ARHGEF6: variants seen among roughly 807,000 people sequenced by gnomAD.
ARHGEF6 encodes the protein rho guanine nucleotide exchange factor 6.
A neutral mutation model predicts 70.3 loss-of-function variants in ARHGEF6; 9 were observed. The observed-to-expected ratio is 0.13, with a 90% CI of 0.08 to 0.22. The LOEUF is 0.22. ARHGEF6 is among the 10% of genes least tolerant of loss of function. The pLI is 1.00. For synonymous variants in ARHGEF6, 201 were observed against 207.8 expected, an observed-to-expected ratio of 0.97 and a Z score of 0.28; for missense variants, 470 against 563.0, an observed-to-expected ratio of 0.83 and a Z score of 1.67.
chrX:136,764,381 C>G (rs1465461542), intron 2 of ARHGEF6, among the ~76,000 whole-genome samples: 1 of 111,704 alleles, frequency 9.0e-6, no homozygotes, highest in Non-Finnish European at 1.9e-5. Flanking sequence ...ATGTAGATGT[C>G]CATCAACAAG....
intron 6 of ARHGEF6, among the ~76,000 whole-genome samples, chrX:136,727,337 C>T (rs1415355991): frequency 2.8e-5 from 1 of 35,795 alleles, no homozygotes; most frequent in African/African-American, 1.1e-4. Context: ...TTCTTTCTTT[C>T]TTTCTTTCTT....
chrX:136,679,805 G>A, intron 15 of ARHGEF6, 145 bp from the exon 16 acceptor site: 1 of 740,220 alleles, frequency 1.4e-6, no homozygotes. Context: ...TCTCTAGTTT[G>A]AGAACTGGTT....
At chrX:136,685,865 T>A in intron 11 of ARHGEF6, 42 bp from the exon 12 acceptor site, 1 of 1,185,596 alleles carries the variant, frequency 8.4e-7, no homozygotes, top group Non-Finnish European at 1.1e-6. Context: ...GGAATTCTTA[T>A]GAAATAGACT....
intron 5 of ARHGEF6, chrX:136,737,312 A>G (rs768719630): frequency 2.7e-5 from 3 of 110,663 alleles, no homozygotes; most frequent in African/African-American, 1.0e-4. Context: ...TACTAAAAAT[A>G]CAAAATTAGC....
At chrX:136,735,824 T>C (rs765722494) in intron 5 of ARHGEF6, among the ~76,000 whole-genome samples, 9 of 111,990 alleles carry the variant, frequency 8.0e-5, no homozygotes, top group African/African-American at 2.9e-4. Context: ...ATCTATGTGA[T>C]ACACCCAGGG....
intron 2 of ARHGEF6, among the ~76,000 whole-genome samples, chrX:136,766,690 G>A (rs2077317551): frequency 1.8e-5 from 2 of 112,618 alleles, no homozygotes; most frequent in African/African-American, 3.2e-5. Context: ...CAGGCACTTT[G>A]GAACACCTTG....
In ARHGEF6 at chrX:136,690,645, C is replaced by G; in HGVS notation, c.1150G>C (p.Val384Leu). The G allele has an allele frequency of 8.3e-7, 1 of 1,210,745 alleles. No homozygotes were observed. The highest frequency in any genetic ancestry group is 1.1e-6 in the Non-Finnish European group (1 of 895,071). The change falls in exon 10 of 22, where the codon GTT becomes CTT. Residue 384 changes from valine (V) to leucine (L), a missense_variant. Transcript: ENST00000250617. The stretch of plus-strand genomic sequence containing the variant: ...CGTTCTAACTCTTGCAAGAGAGTAA[C>G]ATATTTCTCCAGTCGCATGAATGGT... Reference protein sequence around the residue: ...SKPFMRLEKYVTLLQELERHM... With the variant: ...SKPFMRLEKYLTLLQELERHM...
chrX:136,688,658 AAAAC>A (rs766856493), intron 10 of ARHGEF6, among the ~76,000 whole-genome samples: 1 of 111,330 alleles, frequency 9.0e-6, no homozygotes, highest in Admixed American at 9.6e-5. Context: ...ACCCTGTCTC[AAAAC>A]AAACAAACAA....
Position 136,685,808 on chromosome X carries a change from G to C in ARHGEF6, c.1261C>G (p.Leu421Val). ...FKTLMGQCQD[L>V]RKRKQLELQI... ...AACTCCAGCTGTTTTCTCTTCCTCA[G>C]ATCTTGACATTGCCCCTACAGAACC... The change falls in exon 12 of 22, where the codon CTG (leucine) becomes GTG (valine). Residue 421 changes from leucine (L) to valine (V), a missense_variant. This residue lies in a region of ARHGEF6 where 379 missense variants were observed against 449.3 expected (regional missense o/e 0.84). Transcript: ENST00000250617. 8.3e-7 allele frequency: 1 copy of C among 1,210,918 alleles called. No homozygotes were observed. Among genetic ancestry groups the C allele is most frequent in the Non-Finnish European group, 1.1e-6 (1 of 895,102 alleles).
chrX:136,680,881 A>G lies in ARHGEF6; in HGVS notation c.1559-5T>C. ...CAATTCTCTCCACTGTGTTACCTAC[A>G]TCCCCCAATTATGATCAGTTTGAAA... On this transcript the variant is annotated splice_polypyrimidine_tract_variant and splice_region_variant and intron_variant, in intron 14 of 21. Transcript: ENST00000250617. The G allele has an allele frequency of 8.3e-7, 1 of 1,211,634 alleles. No individual in the cohort carries two copies. Among genetic ancestry groups the G allele is most frequent in the African/African-American group, 1.7e-5 (1 of 57,822 alleles).
chrX:136,682,894 C>G, intron 12 of ARHGEF6, 50 bp from the exon 13 acceptor site: 2 of 1,004,687 alleles, frequency 2.0e-6, no homozygotes, highest in Non-Finnish European at 2.8e-6. Flanking sequence ...GACACTTTAT[C>G]TGTTGAGAAT....
chrX:136,677,655 A>G (rs2076293796), intron 17 of ARHGEF6, among the ~76,000 whole-genome samples: 1 of 111,642 alleles, frequency 9.0e-6, no homozygotes, highest in Non-Finnish European at 1.9e-5. Flanking sequence ...AAAACAAGAC[A>G]GATATGAAAA....
intron 2 of ARHGEF6, among the ~76,000 whole-genome samples, chrX:136,771,641 GA>G (rs1006013713): frequency 1.8e-5 from 2 of 111,747 alleles, no homozygotes; most frequent in African/African-American, 6.5e-5. Context: ...GAGAAAACAG[GA>G]AAAAAATTCT....
At chrX:136,727,345 CTT>C (rs1234828855) in intron 6 of ARHGEF6, among the ~76,000 whole-genome samples, 3 of 44,321 alleles carry the variant, frequency 6.8e-5, no homozygotes, top group Non-Finnish European at 1.2e-4. Flanking sequence ...TTCTTTCTTT[CTT>C]TCTTTCTTTC....
At chrX:136,715,970 C>T (rs911708735) in intron 6 of ARHGEF6, among the ~76,000 whole-genome samples, 4 of 112,757 alleles carry the variant, frequency 3.5e-5, no homozygotes, top group South Asian at 3.6e-4. Context: ...GACGCAGTTT[C>T]GCTTTTGTTG....
chrX:136,688,100 G>A (rs1166175998), intron 10 of ARHGEF6, 109 bp from the exon 11 acceptor site: 7 of 577,561 alleles, frequency 1.2e-5, no homozygotes, highest in African/African-American at 2.2e-5. Flanking sequence ...AGAGAATTTT[G>A]GGGGATGATG....
At chrX:136,752,819 G>T (rs1337441191) in intron 2 of ARHGEF6, among the ~76,000 whole-genome samples, 2 of 112,277 alleles carry the variant, frequency 1.8e-5, no homozygotes, top group Non-Finnish European at 3.8e-5. Context: ...GCTCTTCCTT[G>T]TTCTTATTGC....
At chrX:136,769,084 T>C (rs151008024) in intron 2 of ARHGEF6, among the ~76,000 whole-genome samples, 54 of 111,333 alleles carry the variant, frequency 4.9e-4, no homozygotes, top group African/African-American at 1.7e-3. Flanking sequence ...ATACATTCAG[T>C]GAAATCCTTC....
At chrX:136,704,726 C>G (rs1424749223) in intron 9 of ARHGEF6, among the ~76,000 whole-genome samples, 3 of 111,661 alleles carry the variant, frequency 2.7e-5, no homozygotes, top group Non-Finnish European at 3.8e-5. Context: ...AAAACCACCC[C>G]CATGATCCAG....
Sources: gnomAD v4.1 joint callset for allele counts (sites outside exome capture counted in the v4.1 genomes callset) on GRCh38, gnomAD v4.1.1 for gene constraint, gnomAD v4.1.1 regional missense constraint, MANE v1.5 for transcripts, NCBI Gene and HGNC (gene_info 2026-07-23, HGNC 2026-07-21) for gene names.